The following NFIB variants were observed in gnomAD, a reference collection of about 807,000 sequenced individuals.
The protein encoded by NFIB is nuclear factor 1 B-type.
A neutral mutation model predicts 61.5 loss-of-function variants in NFIB; 11 were observed. The ratio of observed to expected loss-of-function variants is 0.18; its 90% CI spans 0.11 to 0.30. NFIB has a LOEUF of 0.30. NFIB is among the 10% of genes least tolerant of loss of function. NFIB has a pLI of 1.00. For synonymous variants in NFIB, 260 were observed against 216.5 expected (o/e 1.20, Z -1.76); for missense variants, 471 against 608.9 (o/e 0.77, Z 2.38).
chr9:14,322,616 G>A (rs904770645), intron 1 of NFIB, among the ~76,000 whole-genome samples: 1 of 152,038 alleles, frequency 6.6e-6, no homozygotes, highest in Non-Finnish European at 1.5e-5. Flanking sequence ...CTGGGCGCGC[G>A]GGAAGCGCGG....
intron 2 of NFIB, among the ~76,000 whole-genome samples, chr9:14,305,064 T>C (rs546835050): frequency 1.3e-5 from 2 of 152,326 alleles, no homozygotes; most frequent in African/African-American, 4.8e-5. Flanking sequence ...TCTAAAACCA[T>C]GGTCTCTTAA....
chr9:14,248,309 C>T (rs1050399879), intron 2 of NFIB, among the ~76,000 whole-genome samples: 1 of 151,528 alleles, frequency 6.6e-6, no homozygotes, highest in African/African-American at 2.4e-5. Flanking sequence ...CTCCACTCCC[C>T]TCCCCTCCCT....
chr9:14,088,348 C>T (rs766354794), intron 10 of NFIB, 22 bp from the exon 11 acceptor site: 7 of 1,482,852 alleles, frequency 4.7e-6, no homozygotes, highest in Admixed American at 4.1e-5. Context: ...AGAGAGGCAG[C>T]AGGGAGGGAA....
the NFIB span, among the ~76,000 whole-genome samples, chr9:14,446,907 A>G: frequency 6.6e-6 from 1 of 152,150 alleles, no homozygotes; most frequent in Non-Finnish European, 1.5e-5. Context: ...AAAATTTTCA[A>G]ACAAATCTCA....
At chr9:14,322,208 G>T in intron 1 of NFIB, 1 of 919,760 alleles carries the variant, frequency 1.1e-6, no homozygotes, top group Non-Finnish European at 1.4e-6. Flanking sequence ...AAAGCAGGCA[G>T]CCCTTCAGTC....
At chr9:14,385,697 A>G (rs1011807520) in intron 1 of NFIB, among the ~76,000 whole-genome samples, 3 of 152,034 alleles carry the variant, frequency 2.0e-5, no homozygotes, top group Non-Finnish European at 4.4e-5. Flanking sequence ...ATATATTTGT[A>G]ATCTTTTATA....
the NFIB span, among the ~76,000 whole-genome samples, chr9:14,483,910 A>G: frequency 6.6e-6 from 1 of 152,224 alleles, no homozygotes; most frequent in Admixed American, 6.5e-5. Flanking sequence ...TTCTTGGCAC[A>G]AGGCAGATCA....
chr9:14,364,099 G>C (rs1349996472), intron 1 of NFIB, among the ~76,000 whole-genome samples: 1 of 152,032 alleles, frequency 6.6e-6, no homozygotes, highest in Non-Finnish European at 1.5e-5. Context: ...TGGGTCAAAG[G>C]GTATGAGTAT....
chr9:14,476,502 T>C, the NFIB span, among the ~76,000 whole-genome samples: 1 of 152,236 alleles, frequency 6.6e-6, no homozygotes, highest in African/African-American at 2.4e-5. Context: ...GCTGTATTAA[T>C]AGAGTATGTG....
chr9:14,219,952 T>C (rs963545715), intron 2 of NFIB, among the ~76,000 whole-genome samples: 3 of 152,178 alleles, frequency 2.0e-5, no homozygotes, highest in Non-Finnish European at 2.9e-5. Flanking sequence ...AGAACTTCAC[T>C]ATGAGAGGAT....
chr9:14,307,440 T>C lies in NFIB; in HGVS notation c.111A>G (p.Arg37=), dbSNP rs2060072924. 4 of 1,613,964 alleles carry C rather than the reference T, an allele frequency of 2.5e-6. No individual in the cohort carries two copies. The East Asian group carries it at 8.9e-5, about 36-fold the overall frequency. Reference sequence around the variant, plus strand: ...CATGCTTTTTAAAGTACTTGCGTTTTCGAGCCTGCAGGTTGAACCAAGTAT... The same window carrying C: ...CATGCTTTTTAAAGTACTTGCGTTTCCGAGCCTGCAGGTTGAACCAAGTAT... ...IAYTWFNLQA[R]KRKYFKKHEK... Residue 37 remains arginine, a synonymous_variant, in exon 2 of 11, where the codon CGA becomes CGG. Coordinates refer to ENST00000380953, the MANE Select transcript of NFIB (RefSeq NM_001190737.2). This position sits in a 1 kb window ranked among gnomAD's most constrained non-coding sequence, Gnocchi z 5.3.
chr9:14,453,226 G>A, the NFIB span, among the ~76,000 whole-genome samples: 1 of 152,216 alleles, frequency 6.6e-6, no homozygotes, highest in Non-Finnish European at 1.5e-5. Flanking sequence ...AAACAGACAT[G>A]ATCCAGTGTG....
chr9:14,305,262 A>AAGCAACTTAAAATGTG (rs1479172241), intron 2 of NFIB, among the ~76,000 whole-genome samples: 1 of 152,214 alleles, frequency 6.6e-6, no homozygotes, highest in African/African-American at 2.4e-5. Context: ...CCTAGCCTTC[A>AAGCAACTTAAAATGTG]AGCAACTTAA....
At chr9:14,217,069 A>T (rs58589942) in intron 2 of NFIB, among the ~76,000 whole-genome samples, 108 of 152,372 alleles carry the variant, frequency 7.1e-4, no homozygotes, top group African/African-American at 2.5e-3. Context: ...TAACATTTGA[A>T]TTCATAAGGA....
intron 1 of NFIB, among the ~76,000 whole-genome samples, chr9:14,356,316 T>A (rs924183606): frequency 6.6e-6 from 1 of 152,194 alleles, no homozygotes; most frequent in African/African-American, 2.4e-5. Context: ...AGATTCCACA[T>A]GAGCTAGTGT....
intron 2 of NFIB, among the ~76,000 whole-genome samples, chr9:14,242,121 A>G (rs2054429200): frequency 6.6e-6 from 1 of 152,218 alleles, no homozygotes; most frequent in African/African-American, 2.4e-5. Context: ...TTAAACCTCA[A>G]TTACCAAAAG....
the NFIB span, among the ~76,000 whole-genome samples, chr9:14,470,796 C>T: frequency 1.3e-5 from 2 of 152,192 alleles, no homozygotes; most frequent in African/African-American, 4.8e-5. Flanking sequence ...GCCAGGGGAA[C>T]GGAACCCAGA....
intron 2 of NFIB, among the ~76,000 whole-genome samples, chr9:14,252,611 G>A (rs190924386): frequency 2.6e-5 from 4 of 152,074 alleles, no homozygotes; most frequent in Admixed American, 6.5e-5. Context: ...CTACTATTAC[G>A]TAAAAGACAA....
intron 2 of NFIB, among the ~76,000 whole-genome samples, chr9:14,280,128 T>A (rs2058272481): frequency 6.6e-6 from 1 of 152,158 alleles, no homozygotes. Flanking sequence ...CAAAGTCTGC[T>A]AAGGAGGTTA....
Sources: gnomAD v4.1 joint callset for allele counts (sites outside exome capture counted in the v4.1 genomes callset) on GRCh38, gnomAD v4.1.1 for gene constraint, Gnocchi (gnomAD v3.1) non-coding constraint, MANE v1.5 for transcripts, NCBI Gene and HGNC (gene_info 2026-07-23, HGNC 2026-07-21) for gene names.